Variants in PHF20 observed in about 807,000 individuals in gnomAD.
PHF20 encodes glioma-expressed antigen 2.
A neutral mutation model predicts 113.5 loss-of-function variants in PHF20; 23 were observed. That is an observed-to-expected ratio of 0.20 (90% CI 0.15 to 0.29). PHF20 has a LOEUF of 0.29. Ranked by LOEUF, PHF20 falls within the 10% of genes least tolerant of loss-of-function variation. PHF20 has a pLI of 1.00. For synonymous variants in PHF20, 434 were observed against 457.3 expected, an observed-to-expected ratio of 0.95 and a Z score of 0.65; for missense variants, 943 against 1,219.6, an observed-to-expected ratio of 0.77 and a Z score of 3.38.
intron 12 of PHF20, among the ~76,000 whole-genome samples, chr20:35,915,275 T>G (rs1284248131): frequency 1.3e-5 from 2 of 150,538 alleles, no homozygotes; most frequent in African/African-American, 4.9e-5. Context: ...ATGGTATTTG[T>G]TCACACACAC....
chr20:35,815,181 A>G (rs1300226292), intron 2 of PHF20, among the ~76,000 whole-genome samples: 1 of 152,106 alleles, frequency 6.6e-6, no homozygotes, highest in Non-Finnish European at 1.5e-5. Flanking sequence ...TGGGTGACAG[A>G]GGGAGACTCT....
intron 2 of PHF20, among the ~76,000 whole-genome samples, chr20:35,835,002 T>C (rs1162653591): frequency 6.6e-6 from 1 of 152,000 alleles, no homozygotes; most frequent in Non-Finnish European, 1.5e-5. Context: ...GGAGGCCGGG[T>C]GTGGTGGCTC....
chr20:35,833,703 G>A (rs1375930588), intron 2 of PHF20, among the ~76,000 whole-genome samples: 1 of 151,936 alleles, frequency 6.6e-6, no homozygotes, highest in Non-Finnish European at 1.5e-5. Context: ...CAACCCTCTA[G>A]TTAGAAAAAA....
chr20:35,931,317 G>A lies in PHF20; in HGVS notation c.2173G>A (p.Ala725Thr). The A allele has an allele frequency of 6.2e-7, 1 of 1,614,034 alleles. No homozygotes were observed. The highest frequency in any genetic ancestry group is 8.5e-7 in the Non-Finnish European group (1 of 1,179,966). ...GAGCAGGGGACATATGCATGGCCTG[G>A]CATTTCTAGAAGAGAACTACTCCCA... is the stretch of plus-strand genomic sequence containing the variant. ...WLSRGHMHGLAFLEENYSHQN... is the reference protein window; with the variant it reads ...WLSRGHMHGLTFLEENYSHQN... The change falls in exon 15 of 18, where the codon GCA (alanine) becomes ACA (threonine). Residue 725 changes from alanine to threonine, a missense_variant. Ala to Thr is a moderately conservative substitution (Grantham distance 58). This residue lies in a region of PHF20 where 349 missense variants were observed against 412.3 expected (regional missense o/e 0.85). Transcript: ENST00000374012.
chr20:35,901,826 G>A (rs1190818711), intron 10 of PHF20, among the ~76,000 whole-genome samples: 1 of 152,122 alleles, frequency 6.6e-6, no homozygotes, highest in Admixed American at 6.5e-5. Flanking sequence ...TTTGGAGCTG[G>A]GCACATGGGT....
At chr20:35,940,299 T>A (rs899891986) in intron 16 of PHF20, among the ~76,000 whole-genome samples, 1 of 152,142 alleles carries the variant, frequency 6.6e-6, no homozygotes, top group Admixed American at 6.5e-5. Flanking sequence ...ATACTGGGCC[T>A]CAGCAAAGCA....
intron 7 of PHF20, among the ~76,000 whole-genome samples, chr20:35,870,228 C>T (rs926682589): frequency 6.8e-6 from 1 of 146,228 alleles, no homozygotes; most frequent in African/African-American, 2.5e-5. Flanking sequence ...GGCATGAACC[C>T]GGGAGGCGGA....
chr20:35,912,530 G>T (rs2055325636), intron 10 of PHF20, among the ~76,000 whole-genome samples: 1 of 152,040 alleles, frequency 6.6e-6, no homozygotes, highest in Non-Finnish European at 1.5e-5. Context: ...GAAAAAGAAT[G>T]AAACAAGCAA....
At chr20:35,840,723 A>G (rs1387965705) in intron 2 of PHF20, among the ~76,000 whole-genome samples, 1 of 152,170 alleles carries the variant, frequency 6.6e-6, no homozygotes, top group African/African-American at 2.4e-5. Context: ...GGCATACTGA[A>G]TCAGAATCTT....
chr20:35,776,761 G>A (rs2041183792), intron 1 of PHF20, among the ~76,000 whole-genome samples: 1 of 152,118 alleles, frequency 6.6e-6, no homozygotes, highest in Non-Finnish European at 1.5e-5. Context: ...ATCTGGATTT[G>A]GCTCTAGTCC....
intron 2 of PHF20, among the ~76,000 whole-genome samples, chr20:35,826,264 G>A (rs765334592): frequency 2.6e-5 from 4 of 152,066 alleles, no homozygotes; most frequent in African/African-American, 7.3e-5. Context: ...GGCCGGGCTC[G>A]AACTCTTGAC....
chr20:35,917,348 C>T (rs1399182008), intron 12 of PHF20, 136 bp from the exon 13 acceptor site: 1 of 807,370 alleles, frequency 1.2e-6, no homozygotes, highest in South Asian at 1.5e-5. Flanking sequence ...GACAGATTGG[C>T]ATCCTCGTTT....
Position 35,857,411 on chromosome 20 carries a change from AAAAAAACTAACAATGTAGCAGC to A in PHF20, c.341-887_341-866del, listed in dbSNP as rs374286868. Among the ~76,000 whole-genome samples, 5 of 152,228 alleles carry A rather than the reference AAAAAAACTAACAATGTAGCAGC, an allele frequency of 3.3e-5. 1 individual carries two copies. Among genetic ancestry groups the A allele is most frequent in the African/African-American group, 1.2e-4 (5 of 41,550 alleles). On this transcript the variant is annotated intron_variant, in intron 4 of 17. Coordinates refer to ENST00000374012, the MANE Select transcript of PHF20 (RefSeq NM_016436.5). ...TGGGAAAAAACTAACAGTGTAGCAG[AAAAAAACTAACAATGTAGCAGC>A]AAACATTTTGTGTTTTGACCAAGTC...
At chr20:35,785,898 T>G (rs1269027987) in intron 1 of PHF20, among the ~76,000 whole-genome samples, 2 of 150,912 alleles carry the variant, frequency 1.3e-5, no homozygotes, top group Non-Finnish European at 3.0e-5. Flanking sequence ...TGGGCATGGT[T>G]GCAGGTGCCT....
chr20:35,844,338 G>A lies in PHF20; in HGVS notation c.255+1594G>A, dbSNP rs190141540. ...ATGATGGTCTCGATTTCCTGACCTC[G>A]TGATCCGCCTGCCTCGGCCTCTCAA... On this transcript the variant is annotated intron_variant, in intron 3 of 17. Coordinates refer to ENST00000374012, the MANE Select transcript of PHF20 (RefSeq NM_016436.5). Among the ~76,000 whole-genome samples the A allele has an allele frequency of 9.9e-5, 15 of 151,402 alleles. No individual in the cohort carries two copies. The East Asian group carries it at 2.3e-3, about 23-fold the overall frequency.
intron 2 of PHF20, among the ~76,000 whole-genome samples, chr20:35,807,979 G>A (rs2041913772): frequency 6.6e-6 from 1 of 152,086 alleles, no homozygotes; most frequent in African/African-American, 2.4e-5. Context: ...GTAATTATAT[G>A]CAGTAGGAAG....
chr20:35,871,016 C>T lies in PHF20; in HGVS notation c.984C>T (p.Ser328=). Residue 328 remains serine (S), a synonymous_variant, in exon 8 of 18, where the codon TCC becomes TCT. Coordinates refer to ENST00000374012, the MANE Select transcript of PHF20 (RefSeq NM_016436.5). ...ACAAAGACTTATCGAGGAGACGTTC[C>T]TCCAGGCTGTCCACTAATGGGACCC... ...NTDKDLSRRR[S]SRLSTNGTHE... 6.2e-7 allele frequency: 1 copy of T among 1,611,646 alleles called. No homozygotes were observed.
chr20:35,818,146 A>G (rs1276572983), intron 2 of PHF20, among the ~76,000 whole-genome samples: 5 of 151,968 alleles, frequency 3.3e-5, no homozygotes, highest in Admixed American at 2.6e-4. Flanking sequence ...AATTAGGCGC[A>G]TGCCTGTAAT....
Position 35,842,740 on chromosome 20 carries a change from C to G in PHF20, c.251C>G (p.Ser84Cys), listed in dbSNP as rs2042555409. ...GAGGGCTTGCATGAAGAGGATGGAT[C>G]TTCTGTGAGTAACAAATCTGGGAAG... The part of the protein sequence containing the change: ...RKEGLHEEDG[S>C]SEFQINEQVL... Residue 84 changes from serine to cysteine, a missense_variant, in exon 3 of 18, where the codon TCT becomes TGT. This residue lies in a region of PHF20 where 592 missense variants were observed against 787.2 expected (regional missense o/e 0.75). Coordinates refer to ENST00000374012, the MANE Select transcript of PHF20 (RefSeq NM_016436.5). 6.2e-7 allele frequency: 1 copy of G among 1,612,890 alleles called. No individual in the cohort carries two copies. Among genetic ancestry groups the G allele is most frequent in the South Asian group, 1.1e-5 (1 of 90,854 alleles).
Sources: gnomAD v4.1 joint callset for allele counts (sites outside exome capture counted in the v4.1 genomes callset) on GRCh38, gnomAD v4.1.1 for gene constraint, gnomAD v4.1.1 regional missense constraint, MANE v1.5 for transcripts, NCBI Gene and HGNC (gene_info 2026-07-23, HGNC 2026-07-21) for gene names.